The following RNF43 variants were observed in gnomAD, a reference collection of about 807,000 sequenced individuals.
RNF43 encodes the protein ring finger protein 43.
A neutral mutation model predicts 78.4 loss-of-function variants in RNF43; 37 were observed. The observed-to-expected ratio is 0.47, with a 90% CI of 0.36 to 0.62. The LOEUF (loss-of-function observed/expected upper bound fraction) is 0.62. Ranked by LOEUF, RNF43 falls within the 20% of genes least tolerant of loss-of-function variation. The probability of loss-of-function intolerance (pLI) is 0.00; values close to 1 mark genes in which losing one functional copy is unlikely to be tolerated. For missense variants in RNF43, 774 were observed against 1,007.9 expected (o/e 0.77, Z 3.14); for synonymous variants, 347 against 395.0 (o/e 0.88, Z 1.44).
At chr17:58,405,446 T>C (rs574348597) in intron 2 of RNF43, among the ~76,000 whole-genome samples, 88 of 152,228 alleles carry the variant, frequency 5.8e-4, no homozygotes, top group Middle Eastern at 3.4e-3. Flanking sequence ...TTTTTTCATT[T>C]GTTTTTTCTT....
chr17:58,391,772 G>A (rs775109609), intron 2 of RNF43, among the ~76,000 whole-genome samples: 50 of 152,142 alleles, frequency 3.3e-4, no homozygotes, highest in Non-Finnish European at 6.2e-4. Context: ...GACACAAAAG[G>A]AGGAGTGTTC....
chr17:58,360,063 T>C lies in RNF43; in HGVS notation c.952+86A>G. On this transcript the variant is annotated intron_variant, in intron 8 of 9. Transcript: ENST00000407977. The surrounding 1 kb of genome is among the most constrained non-coding windows in gnomAD (Gnocchi z 4.3). ...GTGGCAGTTCTGCTTTCTCCCCAGC[T>C]TCAAGGCTGCAACCCTTTCCCAAAG... is the stretch of plus-strand genomic sequence containing the variant. The C allele has an allele frequency of 9.8e-7, 1 of 1,019,212 alleles. No homozygotes were observed. Among genetic ancestry groups the C allele is most frequent in the East Asian group, 2.4e-5 (1 of 42,100 alleles). The allele number at this position is 1,019,212 out of a possible 1,614,324, so 63.1% of individuals were successfully genotyped here.
chr17:58,396,984 A>G (rs985934932), intron 2 of RNF43, among the ~76,000 whole-genome samples: 1 of 152,064 alleles, frequency 6.6e-6, no homozygotes, highest in Admixed American at 6.6e-5. Flanking sequence ...GTTCTGATGG[A>G]AAGATTCAGG....
chr17:58,366,115 T>C (rs1270396591), intron 3 of RNF43, among the ~76,000 whole-genome samples: 1 of 152,202 alleles, frequency 6.6e-6, no homozygotes, highest in African/African-American at 2.4e-5. Flanking sequence ...CATAATATAG[T>C]TGTGGAGACA....
chr17:58,362,685 C>A (rs201082136), intron 5 of RNF43, 37 bp from the exon 6 acceptor site: 1 of 1,518,482 alleles, frequency 6.6e-7, no homozygotes, highest in South Asian at 1.2e-5. Flanking sequence ...GTCATACTTC[C>A]GGGATGAGCT....
At chr17:58,416,508 C>T (rs2143701315) in intron 1 of RNF43, 1 of 152,302 alleles carries the variant, frequency 6.6e-6, no homozygotes, top group Middle Eastern at 3.4e-3. Flanking sequence ...ATTTTATTCT[C>T]CAGCTCGGAA....
intron 6 of RNF43, among the ~76,000 whole-genome samples, chr17:58,361,904 C>T (rs1239307280): frequency 3.3e-5 from 5 of 152,156 alleles, no homozygotes; most frequent in Non-Finnish European, 7.3e-5. Context: ...ATGTGGCCTT[C>T]TCTGGACTTG....
intron 2 of RNF43, among the ~76,000 whole-genome samples, chr17:58,390,953 C>T (rs1973542768): frequency 6.6e-6 from 1 of 152,188 alleles, no homozygotes; most frequent in Non-Finnish European, 1.5e-5. Flanking sequence ...TCTTATTTAG[C>T]ACTTATTATA....
In RNF43 at chr17:58,358,068, C is replaced by T. The variant is rs2143402805; in HGVS notation, c.1708G>A (p.Gly570Ser). Residue 570 changes from glycine to serine, a missense_variant, in exon 9 of 10, where the codon GGC becomes AGC. Coordinates refer to ENST00000407977, the MANE Select transcript of RNF43 (RefSeq NM_017763.6). This position sits in a 1 kb window ranked among gnomAD's most constrained non-coding sequence, Gnocchi z 6.2. ...GACTGGGGGACTCCGGTTTCTGGGC[C>T]AGGCTTCCTGCCATGCCACTGGAAC... The part of the protein sequence containing the change: ...KRFQWHGRKP[G>S]PETGVPQSRP... 6.3e-7 allele frequency: 1 copy of T among 1,595,556 alleles called. No individual in the cohort carries two copies. The highest frequency in any genetic ancestry group is 1.1e-5 in the South Asian group (1 of 88,212).
intron 2 of RNF43, among the ~76,000 whole-genome samples, chr17:58,412,755 T>C (rs189491468): frequency 2.2e-4 from 33 of 151,918 alleles, no homozygotes; most frequent in Non-Finnish European, 4.0e-4. Context: ...ACTGAATTAA[T>C]TGAGCAAAAT....
At chr17:58,413,639 G>A (rs773335081) in intron 2 of RNF43, among the ~76,000 whole-genome samples, 5 of 152,088 alleles carry the variant, frequency 3.3e-5, no homozygotes, top group Non-Finnish European at 5.9e-5. Context: ...TGAGAAAAAC[G>A]ATAGAACAAT....
At chr17:58,371,171 G>A in intron 2 of RNF43, 138 bp from the exon 3 acceptor site, 1 of 824,590 alleles carries the variant, frequency 1.2e-6, no homozygotes, top group Non-Finnish European at 1.7e-6. Context: ...CTTATGATTG[G>A]ATTGCCTCTT....
downstream of RNF43, chr17:58,352,676 C>A: frequency 4.8e-6 from 1 of 206,476 alleles, no homozygotes; most frequent in East Asian, 7.3e-5. Flanking sequence ...TCCTTCCTAA[C>A]TGCGAGAGCG....
Position 58,358,944 on chromosome 17 carries a change from G to A in RNF43, c.953-121C>T. 9.2e-7 allele frequency: 1 copy of A among 1,085,762 alleles called. No individual in the cohort carries two copies. Among genetic ancestry groups the A allele is most frequent in the Non-Finnish European group, 1.3e-6 (1 of 796,416 alleles). 67.3% of individuals were successfully genotyped at this position (1,085,762 alleles called of 1,614,324 possible). The stretch of plus-strand genomic sequence containing the variant: ...GAGTAGCCTGTGAGCTCAGAGTTTG[G>A]GGGATCAAGGACGTGCCTAAGCTGC... On this transcript the variant is annotated intron_variant, in intron 8 of 9. Coordinates refer to ENST00000407977, the MANE Select transcript of RNF43 (RefSeq NM_017763.6). The surrounding 1 kb of genome is among the most constrained non-coding windows in gnomAD (Gnocchi z 6.2).
chr17:58,355,005 G>C lies in RNF43; in HGVS notation c.2309-19C>G. ...TCTGAGCCTGTATTTAGAGAGCGGG[G>C]AGGAAAGAGGTCATTGAGGGTCAGG... On this transcript the variant is annotated intron_variant, in intron 9 of 9. Coordinates refer to ENST00000407977, the MANE Select transcript of RNF43 (RefSeq NM_017763.6). The C allele has an allele frequency of 1.2e-6, 2 of 1,612,630 alleles. No homozygotes were observed. Among genetic ancestry groups the C allele is most frequent in the Non-Finnish European group, 1.7e-6 (2 of 1,178,946 alleles).
chr17:58,369,054 ATC>A (rs1973019885), intron 3 of RNF43, among the ~76,000 whole-genome samples: 1 of 150,728 alleles, frequency 6.6e-6, no homozygotes, highest in African/African-American at 2.4e-5. Flanking sequence ...CTTCTTCCCC[ATC>A]TCTCTCTCTC....
At chr17:58,364,588 G>A (rs1972909442) in intron 3 of RNF43, among the ~76,000 whole-genome samples, 1 of 152,164 alleles carries the variant, frequency 6.6e-6, no homozygotes, top group African/African-American at 2.4e-5. Context: ...CTTGGCCTGG[G>A]GCCTCCCGGC....
chr17:58,407,035 T>C (rs1238635876), intron 2 of RNF43, among the ~76,000 whole-genome samples: 4 of 151,360 alleles, frequency 2.6e-5, no homozygotes, highest in Non-Finnish European at 5.9e-5. Flanking sequence ...GTGAAGATAG[T>C]TATGCTGCCT....
chr17:58,360,214 C>G lies in RNF43; in HGVS notation c.887G>C (p.Arg296Pro), dbSNP rs1459309530. Residue 296 changes from arginine to proline, a missense_variant, in exon 8 of 10, where the codon CGT (arginine) becomes CCT (proline). By Grantham distance (103) the Arg-to-Pro change is moderately radical. Transcript: ENST00000407977. This position sits in a 1 kb window ranked among gnomAD's most constrained non-coding sequence, Gnocchi z 4.3. ...RVISCLHEFHRNCVDPWLHQH... is the reference protein window; with the variant it reads ...RVISCLHEFHPNCVDPWLHQH... ...ATGTAACCAGGGGTCCACACAGTTA[C>G]GATGGAACTCATGGAGGCAGGAAAT... 8 of 1,613,930 alleles carry G rather than the reference C, an allele frequency of 5.0e-6. No homozygotes were observed. The highest frequency in any genetic ancestry group is 2.7e-5 in the African/African-American group (2 of 74,858).
Sources: allele counts gnomAD v4.1 joint callset (sites outside exome capture counted in the v4.1 genomes callset), GRCh38; gene constraint gnomAD v4.1.1; non-coding constraint Gnocchi (gnomAD v3.1); transcripts MANE v1.5; gene names NCBI Gene and HGNC (gene_info 2026-07-23, HGNC 2026-07-21).